NFIB: variants seen among roughly 807,000 people sequenced by gnomAD.
NFIB encodes nuclear factor I B.
A neutral mutation model predicts 61.5 loss-of-function variants in NFIB; 11 were observed. That is an observed-to-expected ratio of 0.18 (90% CI 0.11 to 0.30). The LOEUF (loss-of-function observed/expected upper bound fraction) is 0.30, where lower values mean the gene tolerates loss of function less well. NFIB is among the 10% of genes least tolerant of loss of function. The pLI is 1.00. For missense variants in NFIB, 471 were observed against 608.9 expected (o/e 0.77, Z 2.38); for synonymous variants, 260 against 216.5 (o/e 1.20, Z -1.76).
At chr9:14,524,365 T>C in the NFIB span, among the ~76,000 whole-genome samples, 3 of 152,286 alleles carry the variant, frequency 2.0e-5, no homozygotes, top group African/African-American at 7.2e-5. Flanking sequence ...ATATTCTCTC[T>C]CACAACCTTG....
intron 6 of NFIB, among the ~76,000 whole-genome samples, chr9:14,138,382 C>T (rs1372178045): frequency 3.3e-5 from 5 of 151,874 alleles, no homozygotes; most frequent in Non-Finnish European, 7.4e-5. Context: ...TCAGTGTAGG[C>T]TAAAAAGAAG....
At chr9:14,127,932 CA>C (rs201442988) in intron 6 of NFIB, among the ~76,000 whole-genome samples, 6,897 of 87,140 alleles carry the variant, frequency 0.079, 200 homozygotes, top group African/African-American at 0.17. Flanking sequence ...ATATCTTTTT[CA>C]AAAAAAAAAA....
At chr9:14,149,225 C>G (rs767380178) in intron 5 of NFIB, among the ~76,000 whole-genome samples, 13 of 152,102 alleles carry the variant, frequency 8.5e-5, no homozygotes, top group Non-Finnish European at 1.0e-4. Context: ...TAAAATTGAT[C>G]TTAGTTTATA....
intron 1 of NFIB, among the ~76,000 whole-genome samples, chr9:14,348,255 T>G (rs1477403987): frequency 6.6e-6 from 1 of 152,078 alleles, no homozygotes; most frequent in Non-Finnish European, 1.5e-5. Context: ...TTTCCTTTTT[T>G]GCTTTGAGGG....
intron 1 of NFIB, among the ~76,000 whole-genome samples, chr9:14,342,282 A>G (rs936470366): frequency 6.6e-6 from 1 of 152,232 alleles, no homozygotes; most frequent in Non-Finnish European, 1.5e-5. Flanking sequence ...GAAAGAGTAG[A>G]CTACTATAGG....
chr9:14,231,291 T>TGAGAGAGACAGAGAGAGG (rs2053167142), intron 2 of NFIB, among the ~76,000 whole-genome samples: 1 of 151,146 alleles, frequency 6.6e-6, no homozygotes, highest in African/African-American at 2.4e-5. Flanking sequence ...CAAGTATGTG[T>TGAGAGAGACAGAGAGAGG]GAGAGAGACA....
chr9:14,530,959 G>T, the NFIB span, among the ~76,000 whole-genome samples: 1 of 152,164 alleles, frequency 6.6e-6, no homozygotes, highest in Non-Finnish European at 1.5e-5. Flanking sequence ...TCAGATGAAT[G>T]AACCCAATGA....
intron 2 of NFIB, among the ~76,000 whole-genome samples, chr9:14,260,666 G>C (rs929253189): frequency 6.6e-6 from 1 of 152,168 alleles, no homozygotes; most frequent in Non-Finnish European, 1.5e-5. Flanking sequence ...GAGCATATCT[G>C]AACTGGCCAC....
chr9:14,516,590 A>C, the NFIB span, among the ~76,000 whole-genome samples: 1 of 152,246 alleles, frequency 6.6e-6, no homozygotes, highest in Non-Finnish European at 1.5e-5. Flanking sequence ...AAGCAAGTCC[A>C]TATGCCCGGT....
upstream of NFIB, chr9:14,314,178 G>T (rs1477394024): frequency 3.3e-6 from 3 of 912,664 alleles, no homozygotes; most frequent in East Asian, 1.5e-4. Context: ...GAGGGCCGGG[G>T]TGGGGGCGGG....
At chr9:14,292,043 C>T (rs1382024933) in intron 2 of NFIB, among the ~76,000 whole-genome samples, 1 of 152,142 alleles carries the variant, frequency 6.6e-6, no homozygotes, top group Non-Finnish European at 1.5e-5. Context: ...AACCTAGTCT[C>T]TTGAATTAAT....
chr9:14,447,060 T>C, the NFIB span, among the ~76,000 whole-genome samples: 2 of 152,190 alleles, frequency 1.3e-5, no homozygotes, highest in African/African-American at 4.8e-5. Flanking sequence ...ATTCCTTATA[T>C]GCTTGAGGTA....
chr9:14,114,487 A>AGC (rs1348905006), intron 9 of NFIB, among the ~76,000 whole-genome samples: 7 of 152,192 alleles, frequency 4.6e-5, no homozygotes, highest in Admixed American at 3.9e-4. Context: ...AAGAAGCTGG[A>AGC]GCTACAAGCT....
chr9:14,298,477 T>C (rs932589625), intron 2 of NFIB, among the ~76,000 whole-genome samples: 45 of 152,034 alleles, frequency 3.0e-4, no homozygotes, highest in Non-Finnish European at 1.0e-4. Context: ...ACAGAGAAAC[T>C]GAAAATCTAA....
At chr9:14,414,196 G>A in the NFIB span, among the ~76,000 whole-genome samples, 18 of 152,134 alleles carry the variant, frequency 1.2e-4, no homozygotes, top group East Asian at 3.5e-3. Flanking sequence ...CTAGCACTTT[G>A]GGAGGCCAAG....
the NFIB span, among the ~76,000 whole-genome samples, chr9:14,485,511 T>C: frequency 6.6e-6 from 1 of 152,172 alleles, no homozygotes; most frequent in African/African-American, 2.4e-5. Context: ...CATCTACTTA[T>C]TCAATAAACA....
In NFIB at chr9:14,084,624, T is replaced by C. The variant is rs2118378546; in HGVS notation, c.*3685A>G. 4.4e-6 allele frequency: 1 copy of C among 229,148 alleles called. No individual in the cohort carries two copies. The highest frequency in any genetic ancestry group is 6.2e-5 in the East Asian group (1 of 16,090). 14.2% of individuals were successfully genotyped at this position (229,148 alleles called of 1,614,324 possible). A position where few individuals can be genotyped will look rare whatever the true frequency, so the allele number is the denominator to read the frequency against. ...AGGGCAGCACACAAAGGCTGAACAG[T>C]GCCACGGAACTGATGGTTGGAGACA... On this transcript the variant is annotated 3_prime_UTR_variant, in exon 11 of 11. Transcript: ENST00000380953.
At chr9:14,388,056 G>C (rs995304595) in intron 1 of NFIB, among the ~76,000 whole-genome samples, 4 of 152,224 alleles carry the variant, frequency 2.6e-5, no homozygotes, top group African/African-American at 9.6e-5. Context: ...GTGTACCACA[G>C]TATTTTTATC....
intron 1 of NFIB, among the ~76,000 whole-genome samples, chr9:14,320,131 C>A (rs1436129956): frequency 6.6e-6 from 1 of 152,124 alleles, no homozygotes. Context: ...TAAAGGGATG[C>A]CTATGTCTGC....
Sources: allele counts gnomAD v4.1 joint callset (sites outside exome capture counted in the v4.1 genomes callset), GRCh38; gene constraint gnomAD v4.1.1; transcripts MANE v1.5; gene names NCBI Gene and HGNC (gene_info 2026-07-23, HGNC 2026-07-21).